Variants in CHD9 observed in about 807,000 individuals in gnomAD.
CHD9 encodes chromodomain helicase DNA binding protein 9.
A neutral mutation model predicts 316.1 loss-of-function variants in CHD9; 77 were observed. The ratio of observed to expected loss-of-function variants is 0.24; its 90% CI spans 0.20 to 0.29. The LOEUF (loss-of-function observed/expected upper bound fraction) is 0.29. Ranked by LOEUF, CHD9 falls within the 10% of genes least tolerant of loss-of-function variation. The pLI is 1.00. For synonymous variants in CHD9, 1,129 were observed against 1,158.3 expected (o/e 0.97, Z 0.51); for missense variants, 2,763 against 3,438.1 (o/e 0.80, Z 4.91).
rs113352373 is a variant in CHD9, at chr16:53,192,753, C to G, written c.1453-16729C>G. Among the ~76,000 whole-genome samples the G allele has an allele frequency of 5.9e-4, 90 of 152,270 alleles. 1 individual carries two copies. Among genetic ancestry groups the G allele is most frequent in the African/African-American group, 1.9e-3 (77 of 41,554 alleles). ...TGGAATCATGCAGTATATTGTGTTA[C>G]TAGTCTGACTTCTGTTTAGCATAGA... On this transcript the variant is annotated intron_variant, in intron 2 of 38. Coordinates refer to ENST00000447540, the MANE Select transcript of CHD9 (RefSeq NM_001308319.2).
chr16:53,284,884 G>C (rs925730360), intron 24 of CHD9, among the ~76,000 whole-genome samples: 2 of 152,070 alleles, frequency 1.3e-5, no homozygotes, highest in African/African-American at 4.8e-5. Context: ...TCCCACCTCA[G>C]CCTCCCAAGT....
At chr16:53,098,905 G>A (rs2036601482) in intron 1 of CHD9, among the ~76,000 whole-genome samples, 1 of 152,190 alleles carries the variant, frequency 6.6e-6, no homozygotes, top group South Asian at 2.1e-4. Flanking sequence ...TCAGTTCTCA[G>A]AGCCAGGCCA....
At chr16:53,261,428 C>T (rs982400640) in intron 19 of CHD9, among the ~76,000 whole-genome samples, 4 of 127,572 alleles carry the variant, frequency 3.1e-5, no homozygotes, top group African/African-American at 1.2e-4. Context: ...TGCAGTGGTG[C>T]AATCATGGCC....
At chr16:53,250,093 A>C (rs1321806601) in intron 17 of CHD9, 27 bp downstream of exon 17, 2 of 1,551,334 alleles carry the variant, frequency 1.3e-6, no homozygotes, top group Non-Finnish European at 1.7e-6. Flanking sequence ...GCTAACAAAA[A>C]ATGCATTTTT....
chr16:53,123,106 A>C (rs1233925514), intron 1 of CHD9, among the ~76,000 whole-genome samples: 2 of 150,502 alleles, frequency 1.3e-5, no homozygotes, highest in East Asian at 3.9e-4. Flanking sequence ...CAGGTGATCC[A>C]TCTGCCCTGG....
At chr16:53,226,984 C>T (rs946222662) in intron 5 of CHD9, among the ~76,000 whole-genome samples, 3 of 152,226 alleles carry the variant, frequency 2.0e-5, no homozygotes, top group East Asian at 1.9e-4. Flanking sequence ...GTGCTTCCCT[C>T]GTCTATGATT....
At chr16:53,181,256 G>A (rs968261893) in intron 2 of CHD9, among the ~76,000 whole-genome samples, 7 of 151,968 alleles carry the variant, frequency 4.6e-5, no homozygotes, top group African/African-American at 1.5e-4. Flanking sequence ...GGTGATCTGC[G>A]GGCCTTGGCC....
chr16:53,096,509 C>T (rs1431930828), intron 1 of CHD9, among the ~76,000 whole-genome samples: 1 of 152,044 alleles, frequency 6.6e-6, no homozygotes, highest in African/African-American at 2.4e-5. Flanking sequence ...AAGTTAAGTT[C>T]TATACTACCC....
At chr16:53,260,608 A>G (rs73601665) in intron 19 of CHD9, among the ~76,000 whole-genome samples, 5,283 of 152,272 alleles carry the variant, frequency 0.035, 307 homozygotes, top group African/African-American at 0.12. Context: ...AGACAACACA[A>G]ACTTTTTCTC....
intron 34 of CHD9, 118 bp downstream of exon 34, chr16:53,308,972 ATAAAG>A (rs2056232468): frequency 2.8e-6 from 2 of 703,850 alleles, no homozygotes; most frequent in Non-Finnish European, 4.5e-6. Context: ...TCTTAAGCCT[ATAAAG>A]TAATCAATAG....
intron 29 of CHD9, among the ~76,000 whole-genome samples, chr16:53,294,554 C>T (rs937959247): frequency 1.3e-5 from 2 of 152,168 alleles, no homozygotes; most frequent in Admixed American, 1.3e-4. Flanking sequence ...CCACAGTTGC[C>T]TCATTCATAC....
At chr16:53,143,358 T>TTTATTTATTTA (rs2040280300) in intron 1 of CHD9, among the ~76,000 whole-genome samples, 1 of 137,982 alleles carries the variant, frequency 7.2e-6, no homozygotes, top group African/African-American at 2.7e-5. Flanking sequence ...TTTTATCTTA[T>TTTATTTATTTA]TTTATTTATT....
intron 12 of CHD9, among the ~76,000 whole-genome samples, chr16:53,239,293 A>G (rs1484984826): frequency 6.6e-6 from 1 of 152,148 alleles, no homozygotes; most frequent in Non-Finnish European, 1.5e-5. Context: ...AGTTAAGACT[A>G]GAAAAGATAG....
chr16:53,103,015 T>G (rs1336068356), intron 1 of CHD9, among the ~76,000 whole-genome samples: 1 of 151,868 alleles, frequency 6.6e-6, no homozygotes, highest in East Asian at 1.9e-4. Flanking sequence ...CTGGCTAATT[T>G]TTTGTATTTT....
chr16:53,326,011 A>G lies in CHD9; in HGVS notation c.*1116A>G, dbSNP rs1199804913. ...GTTGGGTTATCAGTTTATATTAAAT[A>G]TACTGAGTTGCCCGTTTTGAAAATG... On this transcript the variant is annotated 3_prime_UTR_variant, in exon 39 of 39. Coordinates refer to ENST00000447540, the MANE Select transcript of CHD9 (RefSeq NM_001308319.2). 2.0e-5 allele frequency: 3 copies of G among 152,546 alleles called. No individual in the cohort carries two copies. Among genetic ancestry groups the G allele is most frequent in the African/African-American group, 4.8e-5 (2 of 41,444 alleles). 9.4% of individuals were successfully genotyped at this position (152,546 alleles called of 1,614,324 possible).
At chr16:53,085,241 T>A (rs6499243) in intron 1 of CHD9, among the ~76,000 whole-genome samples, 143,815 of 146,232 alleles carry the variant, frequency 0.98, 70,718 homozygotes, top group Middle Eastern at 1. Context: ...TTTTTTTTTT[T>A]TTTTTTTTAT....
intron 2 of CHD9, among the ~76,000 whole-genome samples, chr16:53,183,953 CT>C (rs1024896981): frequency 7.0e-6 from 1 of 142,366 alleles, no homozygotes. Flanking sequence ...TTTTTTTTTT[CT>C]TTTTTTTTGA....
intron 2 of CHD9, among the ~76,000 whole-genome samples, chr16:53,197,433 T>C (rs965838948): frequency 6.6e-6 from 1 of 152,196 alleles, no homozygotes; most frequent in Non-Finnish European, 1.5e-5. Flanking sequence ...TCAGTGAGGT[T>C]GCAGTAGAAA....
chr16:53,324,900 C>G lies in CHD9; in HGVS notation c.*5C>G. On this transcript the variant is annotated 3_prime_UTR_variant, in exon 39 of 39. Coordinates refer to ENST00000447540, the MANE Select transcript of CHD9 (RefSeq NM_001308319.2). The stretch of plus-strand genomic sequence containing the variant: ...GATTCTAGTAATGAAGACTGATTCC[C>G]AGACTCTGCACTTAAAATATGAACT... The G allele has an allele frequency of 6.4e-7, 1 of 1,565,220 alleles. No homozygotes were observed. The highest frequency in any genetic ancestry group is 8.6e-7 in the Non-Finnish European group (1 of 1,159,704).
Sources: gnomAD v4.1 joint callset for allele counts (sites outside exome capture counted in the v4.1 genomes callset) on GRCh38, gnomAD v4.1.1 for gene constraint, MANE v1.5 for transcripts, NCBI Gene and HGNC (gene_info 2026-07-23, HGNC 2026-07-21) for gene names.